Variants in CLMN observed in about 807,000 individuals in gnomAD.
The protein encoded by CLMN is calmin (calponin-like, transmembrane).
CLMN carries 57 observed loss-of-function variants against 92.7 expected under a neutral mutation model. The observed-to-expected ratio is 0.61, with a 90% CI of 0.50 to 0.77. The LOEUF is 0.77. CLMN is among the 30% of genes least tolerant of loss of function. The probability of loss-of-function intolerance (pLI) is 0.00; values close to 1 mark genes in which losing one functional copy is unlikely to be tolerated. For synonymous variants in CLMN, 466 were observed against 470.6 expected (o/e 0.99, Z 0.13); for missense variants, 1,158 against 1,237.5 (o/e 0.94, Z 0.96).
At chr14:95,198,270 G>C (rs556322075) in intron 9 of CLMN, among the ~76,000 whole-genome samples, 1 of 151,522 alleles carries the variant, frequency 6.6e-6, no homozygotes, top group South Asian at 2.1e-4. Context: ...GGCTGGTCTC[G>C]AACTCTTGAC....
chr14:95,221,828 C>CGA lies in CLMN; in HGVS notation c.241-55_241-54insTC, dbSNP rs1017355080. The CGA allele has an allele frequency of 1.3e-4, 197 of 1,522,736 alleles. No individual in the cohort carries two copies. In the African/African-American group the frequency reaches 2.4e-3, roughly 18 times the overall value. 94.3% of individuals were successfully genotyped at this position (1,522,736 alleles called of 1,614,324 possible). A position where few individuals can be genotyped will look rare whatever the true frequency, so the allele number is the denominator to read the frequency against. On this transcript the variant is annotated intron_variant, in intron 3 of 12. Coordinates refer to ENST00000298912, the MANE Select transcript of CLMN (RefSeq NM_024734.4). ...ACATTAAACCCGCACAGGCACTTCC[C>CGA]AACACCCAGCGGTGCTGCTGGGTGT... is the stretch of plus-strand genomic sequence containing the variant.
Position 95,214,392 on chromosome 14 carries a change from C to G in CLMN, c.418-983G>C, listed in dbSNP as rs949767925. 1.1e-4 allele frequency among the ~76,000 whole-genome samples: 16 copies of G among 146,504 alleles called. No individual in the cohort carries two copies. In the South Asian group the frequency reaches 2.8e-3, roughly 26 times the overall value. ...TGAGACAGGATCTCATTCTGTTGCC[C>G]AGGCTGGAGTGCAGTGGCATGATCA... On this transcript the variant is annotated intron_variant, in intron 5 of 12. Coordinates refer to ENST00000298912, the MANE Select transcript of CLMN (RefSeq NM_024734.4).
intron 6 of CLMN, 143 bp downstream of exon 6, chr14:95,213,076 C>A (rs187743524): frequency 9.2e-6 from 8 of 870,826 alleles, no homozygotes; most frequent in Non-Finnish European, 1.4e-5. Flanking sequence ...CATGAGCCAC[C>A]GCGCCTGCCC....
rs1052690780 is a variant in CLMN, at chr14:95,182,554, C to G, written c.*9010G>C. The G allele has an allele frequency of 1.3e-5, 2 of 152,250 alleles. No individual in the cohort carries two copies. Among genetic ancestry groups the G allele is most frequent in the African/African-American group, 4.8e-5 (2 of 41,470 alleles). 9.4% of individuals were successfully genotyped at this position (152,250 alleles called of 1,614,324 possible). A position where few individuals can be genotyped will look rare whatever the true frequency, so the allele number is the denominator to read the frequency against. The stretch of plus-strand genomic sequence containing the variant: ...AATTTCAAGGGCAGAGGGCAGGTGT[C>G]CCCTGCACCACATTCCCTCCCCACA... On this transcript the variant is annotated 3_prime_UTR_variant, in exon 13 of 13. Coordinates refer to ENST00000298912, the MANE Select transcript of CLMN (RefSeq NM_024734.4).
intron 1 of CLMN, among the ~76,000 whole-genome samples, chr14:95,314,200 C>T (rs1335464873): frequency 6.6e-6 from 1 of 152,226 alleles, no homozygotes; most frequent in Non-Finnish European, 1.5e-5. Context: ...GCCCTGATGG[C>T]GGGCTGGCCA....
At chr14:95,309,481 G>A (rs1236954810) in intron 1 of CLMN, among the ~76,000 whole-genome samples, 12 of 152,208 alleles carry the variant, frequency 7.9e-5, no homozygotes, top group African/African-American at 9.6e-5. Context: ...AGGACACGAC[G>A]ATGCCACCCT....
intron 1 of CLMN, among the ~76,000 whole-genome samples, chr14:95,241,320 G>A (rs1309005624): frequency 6.6e-6 from 1 of 152,010 alleles, no homozygotes; most frequent in African/African-American, 2.4e-5. Context: ...GAAAGTCCTA[G>A]GTAAACCAGG....
chr14:95,259,521 G>A lies in CLMN; in HGVS notation c.83-29388C>T, dbSNP rs1251585440. On this transcript the variant is annotated intron_variant, in intron 1 of 12. Transcript: ENST00000298912. This position sits in a 1 kb window ranked among gnomAD's most constrained non-coding sequence, Gnocchi z 4.3. ...TCAAGAAACATCTGGGAGGAAACGA[G>A]ACAGGCTGTAGTTCCCACAGAGCTG... Among the ~76,000 whole-genome samples, 3 of 152,170 alleles carry A rather than the reference G, an allele frequency of 2.0e-5. No individual in the cohort carries two copies. The highest frequency in any genetic ancestry group is 7.2e-5 in the African/African-American group (3 of 41,430).
chr14:95,293,364 CCCT>C (rs1900675326), intron 1 of CLMN, among the ~76,000 whole-genome samples: 1 of 54,222 alleles, frequency 1.8e-5, no homozygotes, highest in Non-Finnish European at 4.3e-5. Flanking sequence ...TTTCCTCCCT[CCCT>C]CCTTCCTTCC....
At chr14:95,231,009 C>T (rs1486506098) in intron 1 of CLMN, among the ~76,000 whole-genome samples, 1 of 152,150 alleles carries the variant, frequency 6.6e-6, no homozygotes, top group Admixed American at 6.5e-5. Context: ...GCACTCACTG[C>T]GTCCCGGACA....
rs1480421394 is a variant in CLMN, at chr14:95,254,407, C to T, written c.83-24274G>A. Among the ~76,000 whole-genome samples the T allele has an allele frequency of 2.0e-5, 3 of 152,170 alleles. No homozygotes were observed. In the South Asian group the frequency reaches 6.2e-4, roughly 32 times the overall value. ...GCATTTGCTGATGTACAATTTCATT[C>T]CTGAGAAACACTAGATGGGCATAGA... On this transcript the variant is annotated intron_variant, in intron 1 of 12. Transcript: ENST00000298912.
intron 1 of CLMN, among the ~76,000 whole-genome samples, chr14:95,244,846 G>C (rs570338707): frequency 2.6e-5 from 4 of 151,690 alleles, no homozygotes; most frequent in African/African-American, 4.8e-5. Context: ...CTTCCAATGG[G>C]GGCTGCTGCA....
intron 1 of CLMN, among the ~76,000 whole-genome samples, chr14:95,241,237 G>A (rs1399893277): frequency 6.6e-6 from 1 of 152,028 alleles, no homozygotes; most frequent in Non-Finnish European, 1.5e-5. Flanking sequence ...CTAGTATTAT[G>A]GTGACCAACT....
chr14:95,208,966 C>T (rs1897120679), intron 8 of CLMN, among the ~76,000 whole-genome samples: 3 of 152,200 alleles, frequency 2.0e-5, no homozygotes, highest in African/African-American at 7.2e-5. Flanking sequence ...TATCAAAGTG[C>T]TTGTGTTCAC....
chr14:95,205,401 G>C (rs1034428821), intron 8 of CLMN, among the ~76,000 whole-genome samples: 4 of 152,084 alleles, frequency 2.6e-5, no homozygotes, highest in Non-Finnish European at 5.9e-5. Flanking sequence ...ACAAGCAAAG[G>C]CTCTAGAATA....
At chr14:95,301,350 C>T (rs954028586) in intron 1 of CLMN, among the ~76,000 whole-genome samples, 5 of 152,178 alleles carry the variant, frequency 3.3e-5, no homozygotes, top group Non-Finnish European at 5.9e-5. Context: ...GGTGGAAATG[C>T]GGGGGGAATT....
At chr14:95,243,243 T>C (rs925087675) in intron 1 of CLMN, among the ~76,000 whole-genome samples, 5 of 152,178 alleles carry the variant, frequency 3.3e-5, no homozygotes, top group Admixed American at 6.5e-5. Flanking sequence ...AGATCCAGTT[T>C]TGGGCTTCAG....
chr14:95,282,539 T>G (rs1446847867), intron 1 of CLMN, among the ~76,000 whole-genome samples: 1 of 151,970 alleles, frequency 6.6e-6, no homozygotes, highest in East Asian at 1.9e-4. Flanking sequence ...CAGGCCCAAA[T>G]GAGAACTGAG....
At position 95,227,192 on chromosome 14, in the gene CLMN, G is replaced by A. The variant is rs1484186593; in HGVS notation, c.144+2880C>T. On this transcript the variant is annotated intron_variant, in intron 2 of 12. Transcript: ENST00000298912. ...TTCCCTGTGGGAAAGCCTCCTTCCCGTGGCAGCCGTGGAGGGCCTGTGTTT... is the reference window on the plus strand; with the variant it reads ...TTCCCTGTGGGAAAGCCTCCTTCCCATGGCAGCCGTGGAGGGCCTGTGTTT... Among the ~76,000 whole-genome samples the A allele has an allele frequency of 5.3e-5, 8 of 152,168 alleles. 1 individual carries two copies. In the East Asian group the frequency reaches 1.3e-3, roughly 26 times the overall value.
Sources: allele counts gnomAD v4.1 joint callset (sites outside exome capture counted in the v4.1 genomes callset), GRCh38; gene constraint gnomAD v4.1.1; non-coding constraint Gnocchi (gnomAD v3.1); transcripts MANE v1.5; gene names NCBI Gene and HGNC (gene_info 2026-07-23, HGNC 2026-07-21).